The following ATRNL1 variants were observed in gnomAD, a reference collection of about 807,000 sequenced individuals.
ATRNL1 encodes attractin-like protein 1.
ATRNL1 carries 95 observed loss-of-function variants against 182.7 expected under a neutral mutation model. That is an observed-to-expected ratio of 0.52 (90% CI 0.44 to 0.62). The LOEUF (loss-of-function observed/expected upper bound fraction) is 0.62, where lower values mean the gene tolerates loss of function less well. ATRNL1 is among the 20% of genes least tolerant of loss of function. The pLI, the probability that ATRNL1 is intolerant of heterozygous loss-of-function variation, is 0.00. For missense variants in ATRNL1, 1,471 were observed against 1,679.5 expected, an observed-to-expected ratio of 0.88 and a Z score of 2.17; for synonymous variants, 576 against 568.3, an observed-to-expected ratio of 1.01 and a Z score of -0.19.
chr10:115,535,481 G>T lies in ATRNL1; in HGVS notation c.3717-13977G>T, dbSNP rs577169307. On this transcript the variant is annotated intron_variant, in intron 25 of 28. Transcript: ENST00000355044. The stretch of plus-strand genomic sequence containing the variant: ...CATCAGCTCCTTTAAGCACTTCTCT[G>T]TATTGGTTATTCTAGTTATACATTA... Among the ~76,000 whole-genome samples the T allele has an allele frequency of 5.4e-3, 812 of 149,732 alleles. 8 individuals are homozygous for T. The highest frequency in any genetic ancestry group is 0.019 in the African/African-American group (772 of 40,980).
chr10:115,625,848 A>G (rs1018971321), intron 26 of ATRNL1, among the ~76,000 whole-genome samples: 17 of 152,140 alleles, frequency 1.1e-4, no homozygotes, highest in African/African-American at 4.1e-4. Flanking sequence ...TCTCTAGATG[A>G]CATTTCCAAT....
Position 115,857,979 on chromosome 10 carries a change from A to T in ATRNL1, c.4018+9988A>T, listed in dbSNP as rs149822049. On this transcript the variant is annotated intron_variant, in intron 28 of 28. Transcript: ENST00000355044. Reference sequence around the variant, plus strand: ...TGCTCAAAGAGAAAAACAGGAAAAAATTAAAACTCAACAAGACAACTTACA... The same window carrying T: ...TGCTCAAAGAGAAAAACAGGAAAAATTTAAAACTCAACAAGACAACTTACA... 5.5e-3 allele frequency among the ~76,000 whole-genome samples: 842 copies of T among 152,314 alleles called. 3 individuals carry two copies. Among genetic ancestry groups the T allele is most frequent in the Non-Finnish European group, 9.4e-3 (642 of 68,028 alleles).
chr10:115,909,313 A>C (rs1219766481), intron 28 of ATRNL1: 4 of 152,130 alleles, frequency 2.6e-5, no homozygotes, highest in African/African-American at 7.2e-5. Flanking sequence ...TTATAGATTA[A>C]ATGCAAATAG....
At chr10:115,694,689 T>G (rs12257990) in intron 26 of ATRNL1, among the ~76,000 whole-genome samples, 1 of 152,042 alleles carries the variant, frequency 6.6e-6, no homozygotes, top group Admixed American at 6.6e-5. Flanking sequence ...TCAATACAAC[T>G]AACAAAATTG....
At chr10:115,559,450 G>GCGCGCGCGTGCGCA (rs1554998460) in intron 26 of ATRNL1, among the ~76,000 whole-genome samples, 14 of 128,620 alleles carry the variant, frequency 1.1e-4, no homozygotes, top group African/African-American at 4.6e-4. Flanking sequence ...GTGTGCGCGC[G>GCGCGCGCGTGCGCA]CGCACGCACG....
chr10:115,607,485 G>C (rs1379443439), intron 26 of ATRNL1, among the ~76,000 whole-genome samples: 1 of 151,536 alleles, frequency 6.6e-6, no homozygotes, highest in African/African-American at 2.4e-5. Context: ...ACTTTAAATT[G>C]CTTGATTTCA....
At chr10:115,865,882 C>G (rs1171635339) in intron 28 of ATRNL1, among the ~76,000 whole-genome samples, 2 of 152,080 alleles carry the variant, frequency 1.3e-5, no homozygotes, top group East Asian at 3.9e-4. Context: ...GATTCTTTTT[C>G]TTTTCCTGGA....
intron 26 of ATRNL1, among the ~76,000 whole-genome samples, chr10:115,569,990 G>C (rs890567257): frequency 1.3e-5 from 2 of 152,078 alleles, no homozygotes; most frequent in Non-Finnish European, 2.9e-5. Context: ...ATGGTGAAAG[G>C]AGCTAGCTAG....
chr10:115,794,182 CA>C (rs1197331164), intron 27 of ATRNL1, among the ~76,000 whole-genome samples: 2 of 152,136 alleles, frequency 1.3e-5, no homozygotes, highest in Non-Finnish European at 2.9e-5. Flanking sequence ...ACACAGTATG[CA>C]TGCCTGTTTT....
At chr10:115,444,693 G>A (rs1385793522) in intron 21 of ATRNL1, among the ~76,000 whole-genome samples, 1 of 150,862 alleles carries the variant, frequency 6.6e-6, no homozygotes, top group Non-Finnish European at 1.5e-5. Flanking sequence ...TAGGACACCT[G>A]TTTACCTGAA....
At chr10:115,611,585 AT>A (rs1397176804) in intron 26 of ATRNL1, among the ~76,000 whole-genome samples, 5 of 152,130 alleles carry the variant, frequency 3.3e-5, no homozygotes, top group East Asian at 1.9e-4. Context: ...GGAAATAAAT[AT>A]TTTTTATAAC....
At position 115,475,792 on chromosome 10, in the gene ATRNL1, G is replaced by T. The variant is rs966318848; in HGVS notation, c.3654+6463G>T. Among the ~76,000 whole-genome samples the T allele has an allele frequency of 9.9e-5, 15 of 151,116 alleles. 1 individual carries two copies. Among genetic ancestry groups the T allele is most frequent in the Admixed American group, 8.6e-4 (13 of 15,096 alleles). On this transcript the variant is annotated intron_variant, in intron 24 of 28. Transcript: ENST00000355044. Reference sequence around the variant, plus strand: ...GTCAACGTCATTGGTATTTAAGAGAGCTTTTTAATCTTCTTATCATTTACC... The same window carrying T: ...GTCAACGTCATTGGTATTTAAGAGATCTTTTTAATCTTCTTATCATTTACC...
intron 26 of ATRNL1, among the ~76,000 whole-genome samples, chr10:115,628,294 G>A (rs1470721050): frequency 6.6e-6 from 1 of 151,998 alleles, no homozygotes; most frequent in Non-Finnish European, 1.5e-5. Flanking sequence ...TGGGTGTGAG[G>A]GCGTATCTCA....
chr10:115,201,032 A>G (rs1848554272), intron 8 of ATRNL1, among the ~76,000 whole-genome samples: 2 of 149,698 alleles, frequency 1.3e-5, no homozygotes, highest in South Asian at 4.2e-4. Flanking sequence ...TCTTCTTTTG[A>G]GAAGTGTCTG....
intron 1 of ATRNL1, among the ~76,000 whole-genome samples, chr10:115,111,491 G>C (rs1490255535): frequency 1.3e-5 from 2 of 152,190 alleles, no homozygotes; most frequent in Non-Finnish European, 2.9e-5. Flanking sequence ...ACTCATGGCA[G>C]AAGGCAAATG....
At chr10:115,559,124 G>T (rs1554998240) in intron 26 of ATRNL1, among the ~76,000 whole-genome samples, 3 of 152,122 alleles carry the variant, frequency 2.0e-5, no homozygotes, top group Non-Finnish European at 4.4e-5. Flanking sequence ...TAACACCTCT[G>T]CTCAACACCC....
At chr10:115,923,025 T>A (rs560182840) in intron 28 of ATRNL1, among the ~76,000 whole-genome samples, 4 of 152,310 alleles carry the variant, frequency 2.6e-5, no homozygotes, top group African/African-American at 7.2e-5. Flanking sequence ...ATCAACGTAA[T>A]GTATGCATCT....
intron 8 of ATRNL1, among the ~76,000 whole-genome samples, chr10:115,189,632 A>T (rs1384495206): frequency 1.3e-5 from 2 of 152,132 alleles, no homozygotes; most frequent in Non-Finnish European, 2.9e-5. Flanking sequence ...TATAGCTGTA[A>T]AATATGTTTG....
chr10:115,108,498 T>A (rs1278442671), intron 1 of ATRNL1, among the ~76,000 whole-genome samples: 2 of 152,220 alleles, frequency 1.3e-5, no homozygotes, highest in Non-Finnish European at 1.5e-5. Context: ...GGAGGCAGTG[T>A]CTGATTTCTG....
Sources: gnomAD v4.1 joint callset for allele counts (sites outside exome capture counted in the v4.1 genomes callset) on GRCh38, gnomAD v4.1.1 for gene constraint, MANE v1.5 for transcripts, NCBI Gene and HGNC (gene_info 2026-07-23, HGNC 2026-07-21) for gene names.